IRAG1: variants seen among roughly 807,000 people sequenced by gnomAD.
The protein encoded by IRAG1 is IP3R-associated cGMP kinase substrate.
In IRAG1, 62 loss-of-function variants were observed where a neutral mutation model predicts 106.2. The ratio of observed to expected loss-of-function variants is 0.58; its 90% confidence interval spans 0.48 to 0.72. The LOEUF (loss-of-function observed/expected upper bound fraction) is 0.72. Among genes scored for constraint, IRAG1 ranks in the 30% least tolerant of loss-of-function variants. The pLI is 0.00. For missense variants in IRAG1, 1,064 were observed against 1,140.7 expected (o/e 0.93, Z 0.97); for synonymous variants, 462 against 443.9 (o/e 1.04, Z -0.51).
chr11:10,607,322 G>C (rs1009727196), intron 11 of IRAG1, among the ~76,000 whole-genome samples: 5 of 152,214 alleles, frequency 3.3e-5, no homozygotes, highest in African/African-American at 1.2e-4. Flanking sequence ...ATGCGGGCCA[G>C]AGAATAAATG....
intron 1 of IRAG1, 156 bp from the exon 2 acceptor site, chr11:10,652,338 T>G: frequency 1.4e-6 from 2 of 1,443,458 alleles, no homozygotes; most frequent in Non-Finnish European, 1.8e-6. Flanking sequence ...TGGAATTTCA[T>G]TTCCTCCGGC....
In IRAG1 at chr11:10,623,997, A is replaced by G. The variant is rs114935765; in HGVS notation, c.1369-141T>C. On this transcript the variant is annotated intron_variant, in intron 9 of 20. Coordinates refer to ENST00000423302, the MANE Select transcript of IRAG1 (RefSeq NM_130385.4). ...TGAGAGGTGGGTGGGCAGGCATGGC[A>G]TGGTGAGGCCTGAGAAGCACCAGGA... 1,669 of 715,882 alleles carry G rather than the reference A, an allele frequency of 2.3e-3. 23 individuals carry two copies. In the African/African-American group the frequency reaches 0.026, roughly 11 times the overall value. 44.3% of individuals were successfully genotyped at this position (715,882 alleles called of 1,614,324 possible).
chr11:10,655,753 T>C (rs920519367), intron 1 of IRAG1, among the ~76,000 whole-genome samples: 1 of 152,250 alleles, frequency 6.6e-6, no homozygotes, highest in African/African-American at 2.4e-5. Flanking sequence ...CCTCATTTTT[T>C]AACCCTCTAC....
chr11:10,598,933 A>G (rs1033453163), intron 15 of IRAG1, among the ~76,000 whole-genome samples: 1 of 152,236 alleles, frequency 6.6e-6, no homozygotes. Flanking sequence ...CAGAGGTTGT[A>G]TAAAGGCTTA....
intron 1 of IRAG1, among the ~76,000 whole-genome samples, chr11:10,690,989 A>G (rs1204619050): frequency 6.6e-6 from 1 of 152,118 alleles, no homozygotes. Context: ...CTCTGCTTCT[A>G]TTCAGTCAGC....
chr11:10,602,423 A>AG (rs1482177099), intron 14 of IRAG1, among the ~76,000 whole-genome samples: 1 of 152,204 alleles, frequency 6.6e-6, no homozygotes, highest in African/African-American at 2.4e-5. Flanking sequence ...AACCTCAGTA[A>AG]GGGGCCCAAG....
At chr11:10,584,451 T>C (rs908940057) in intron 18 of IRAG1, among the ~76,000 whole-genome samples, 7 of 151,490 alleles carry the variant, frequency 4.6e-5, no homozygotes, top group African/African-American at 1.5e-4. Flanking sequence ...CCATGTGACC[T>C]TGGCCTAATG....
At chr11:10,624,278 C>G (rs943683931) in intron 9 of IRAG1, among the ~76,000 whole-genome samples, 4 of 152,200 alleles carry the variant, frequency 2.6e-5, no homozygotes, top group African/African-American at 4.8e-5. Flanking sequence ...TCATGGCTGG[C>G]TGGATCTTCC....
chr11:10,650,328 G>T (rs892982415), intron 2 of IRAG1, among the ~76,000 whole-genome samples: 4 of 152,194 alleles, frequency 2.6e-5, no homozygotes, highest in African/African-American at 4.8e-5. Flanking sequence ...TAAGCAGGAA[G>T]AATTTAATAT....
chr11:10,625,470 G>A (rs955728180), intron 9 of IRAG1, among the ~76,000 whole-genome samples: 4 of 152,182 alleles, frequency 2.6e-5, no homozygotes, highest in Admixed American at 6.5e-5. Context: ...CACCATGGGC[G>A]GAGCAGCCTT....
At chr11:10,594,101 G>A (rs767884734) in intron 16 of IRAG1, 45 bp downstream of exon 16, 20 of 1,546,806 alleles carry the variant, frequency 1.3e-5, no homozygotes, top group African/African-American at 1.1e-4. Flanking sequence ...GGAAACTTCT[G>A]TCATACTCCT....
chr11:10,678,003 C>CTCTG (rs1478772925), intron 1 of IRAG1, among the ~76,000 whole-genome samples: 9 of 139,236 alleles, frequency 6.5e-5, no homozygotes, highest in African/African-American at 2.5e-4. Flanking sequence ...TTATCTATCT[C>CTCTG]TCTATCTGTC....
Position 10,574,377 on chromosome 11 carries a change from C to G in IRAG1, c.*1955G>C, listed in dbSNP as rs1258968287. On this transcript the variant is annotated 3_prime_UTR_variant, in exon 21 of 21. Transcript: ENST00000423302. ...TTAATGACACCCTCCCAAGCGTCAG[C>G]CACCATGCTAGGCACTTACCCAAGA... is the stretch of plus-strand genomic sequence containing the variant. 1 of 152,164 alleles carries G rather than the reference C, an allele frequency of 6.6e-6. No individual in the cohort carries two copies. The highest frequency in any genetic ancestry group is 1.5e-5 in the Non-Finnish European group (1 of 68,046). 9.4% of individuals were successfully genotyped at this position (152,164 alleles called of 1,614,324 possible).
intron 2 of IRAG1, among the ~76,000 whole-genome samples, chr11:10,646,883 T>C (rs1288925513): frequency 6.6e-6 from 1 of 152,126 alleles, no homozygotes; most frequent in African/African-American, 2.4e-5. Flanking sequence ...TCCATGTCCC[T>C]TCCTCATTCT....
intron 18 of IRAG1, among the ~76,000 whole-genome samples, chr11:10,590,014 C>T (rs1852460180): frequency 6.6e-6 from 1 of 152,168 alleles, no homozygotes; most frequent in Non-Finnish European, 1.5e-5. Flanking sequence ...CCTTGAGTGG[C>T]TCTGCAGGCC....
At chr11:10,660,789 C>T (rs1859334127) in intron 1 of IRAG1, among the ~76,000 whole-genome samples, 1 of 152,180 alleles carries the variant, frequency 6.6e-6, no homozygotes, top group South Asian at 2.1e-4. Context: ...CAGAGAATGG[C>T]ACTCAAGCTA....
chr11:10,595,564 C>G (rs1853207356), intron 15 of IRAG1, among the ~76,000 whole-genome samples: 1 of 152,014 alleles, frequency 6.6e-6, no homozygotes, highest in Admixed American at 6.6e-5. Context: ...TTTATTTCAC[C>G]TTGTGTTTGT....
Position 10,632,050 on chromosome 11 carries a change from G to A in IRAG1, c.341C>T (p.Pro114Leu), listed in dbSNP as rs1228758106. ...DKNLANRVHSPHKRLSHRHLK... is the reference protein window; with the variant it reads ...DKNLANRVHSLHKRLSHRHLK... ...GTGTCGGTGAGAAAGCCTCTTGTGG[G>A]GACTGTGAACTCTGAAAGACAGAAC... The change falls in exon 4 of 21, where the codon CCC (proline) becomes CTC (leucine). Residue 114 changes from proline (P) to leucine (L), a missense_variant. By Grantham distance (98) the Pro-to-Leu change is moderately conservative. Coordinates refer to ENST00000423302, the MANE Select transcript of IRAG1 (RefSeq NM_130385.4). 6.2e-7 allele frequency: 1 copy of A among 1,613,466 alleles called. No homozygotes were observed. The highest frequency in any genetic ancestry group is 1.7e-5 in the Admixed American group (1 of 60,006).
intron 19 of IRAG1, among the ~76,000 whole-genome samples, chr11:10,581,634 C>A (rs1269088069): frequency 6.6e-6 from 1 of 152,018 alleles, no homozygotes; most frequent in African/African-American, 2.4e-5. Flanking sequence ...TGGTGGCTCT[C>A]TGCCTAAAAA....
Sources: gnomAD v4.1 joint callset for allele counts (sites outside exome capture counted in the v4.1 genomes callset) on GRCh38, gnomAD v4.1.1 for gene constraint, MANE v1.5 for transcripts, NCBI Gene and HGNC (gene_info 2026-07-23, HGNC 2026-07-21) for gene names.